TAF5L: variants seen among roughly 807,000 people sequenced by gnomAD.
TAF5L encodes the protein TAF5-like RNA polymerase II p300/CBP-associated factor-associated factor 65 kDa subunit 5L.
In TAF5L, 7 loss-of-function variants were observed where a neutral mutation model predicts 51.3. The ratio of observed to expected loss-of-function variants is 0.14; its 90% CI spans 0.08 to 0.26. The LOEUF (loss-of-function observed/expected upper bound fraction) is 0.26. Ranked by LOEUF, TAF5L falls within the 10% of genes least tolerant of loss-of-function variation. The pLI is 1.00. For missense variants in TAF5L, 575 were observed against 758.9 expected (o/e 0.76, Z 2.85); for synonymous variants, 291 against 308.1 (o/e 0.94, Z 0.58).
rs1354739562 is a variant in TAF5L at position 229,594,920 on chromosome 1, G to C, written c.1147C>G (p.His383Asp). The C allele has an allele frequency of 6.2e-7, 1 of 1,614,238 alleles. No individual in the cohort carries two copies. ...TCCAGATCCCACACAGGATAGGCATGTCCTTGGTACAACACAGTGTTGGTG... is the reference window on the plus strand; with the variant it reads ...TCCAGATCCCACACAGGATAGGCATCTCCTTGGTACAACACAGTGTTGGTG... The change falls in exon 5 of 5, where the codon CAT becomes GAT. Residue 383 changes from histidine (H) to aspartate (D), a missense_variant. Transcript: ENST00000258281. This position sits in a 1 kb window ranked among gnomAD's most constrained non-coding sequence, Gnocchi z 7.9.
chr1:229,600,105 T>C, intron 4 of TAF5L: 1 of 982,434 alleles, frequency 1.0e-6, no homozygotes, highest in East Asian at 1.1e-4. Flanking sequence ...AATTATGCAT[T>C]CTATAAGGGA....
chr1:229,616,344 C>A (rs998426054), intron 1 of TAF5L, among the ~76,000 whole-genome samples: 1 of 146,630 alleles, frequency 6.8e-6, no homozygotes, highest in African/African-American at 2.5e-5. Flanking sequence ...TAAAATTCCA[C>A]CTTTTCCGGA....
At chr1:229,596,108 C>T (rs1026889718) in intron 4 of TAF5L, among the ~76,000 whole-genome samples, 2 of 151,862 alleles carry the variant, frequency 1.3e-5, no homozygotes, top group Non-Finnish European at 1.5e-5. Context: ...GATTCTTTAC[C>T]AAAAAAATTT....
intron 1 of TAF5L, among the ~76,000 whole-genome samples, chr1:229,622,015 C>A (rs1665217270): frequency 7.3e-6 from 1 of 137,178 alleles, no homozygotes; most frequent in South Asian, 2.5e-4. Context: ...TTTCATTCAT[C>A]ATCATCTATC....
At chr1:229,607,289 T>C (rs1339064940) in intron 3 of TAF5L, 1 of 985,280 alleles carries the variant, frequency 1.0e-6, no homozygotes, top group African/African-American at 1.7e-5. Flanking sequence ...ATTCTGGTCC[T>C]TTCTCACCTC....
rs1439749975 is a variant in TAF5L at position 229,602,233 on chromosome 1, A to G, written c.934T>C (p.Ser312Pro). The G allele has an allele frequency of 6.2e-7, 1 of 1,614,138 alleles. No homozygotes were observed. The highest frequency in any genetic ancestry group is 8.5e-7 in the Non-Finnish European group (1 of 1,180,014). ...ATATCACAAGCCAAATGGATGCGGG[A>G]CACGTCTACTTGGTGGGGCTCTGAT... Residue 312 changes from serine (S) to proline (P), a missense_variant, in exon 4 of 5, where the codon TCC becomes CCC. Physicochemically the swap from Ser to Pro is moderately conservative, Grantham distance 74. This residue lies in a region of TAF5L where 380 missense variants were observed against 443.7 expected (regional missense o/e 0.86). Coordinates refer to ENST00000258281, the Ensembl canonical transcript of TAF5L. The surrounding 1 kb of genome is among the most constrained non-coding windows in gnomAD (Gnocchi z 4.6).
intron 1 of TAF5L, among the ~76,000 whole-genome samples, chr1:229,617,605 T>C (rs533695378): frequency 3.1e-4 from 47 of 152,296 alleles, no homozygotes; most frequent in Admixed American, 1.7e-3. Context: ...AAACTCTGCA[T>C]GTGAAAGACA....
rs563396880 is a variant in TAF5L, at chr1:229,595,176, A to G, written c.973-82T>C. ...CTGACAAGGAAAACAAGTCCAGGAG[A>G]AAAAAAAGTAGAGAACTGAGACTGC... On this transcript the variant is annotated intron_variant, in intron 4 of 4. Transcript: ENST00000258281. 2.8e-5 allele frequency: 40 copies of G among 1,414,462 alleles called. No homozygotes were observed. In the African/African-American group the frequency reaches 5.6e-4, roughly 20 times the overall value. 87.6% of individuals were successfully genotyped at this position (1,414,462 alleles called of 1,614,324 possible). A position where few individuals can be genotyped will look rare whatever the true frequency, so the allele number is the denominator to read the frequency against.
intron 1 of TAF5L, among the ~76,000 whole-genome samples, chr1:229,623,492 C>T (rs982315578): frequency 2.0e-4 from 31 of 152,190 alleles, no homozygotes; most frequent in African/African-American, 7.5e-4. Context: ...CACACTGGCA[C>T]TACAACCTGG....
At chr1:229,599,833 T>C (rs1182415988) in intron 4 of TAF5L, 13 of 985,342 alleles carry the variant, frequency 1.3e-5, no homozygotes, top group Non-Finnish European at 1.6e-5. Flanking sequence ...CCGTTTCAAA[T>C]ACTGTAGAAA....
At chr1:229,620,113 A>T (rs538128971) in intron 1 of TAF5L, among the ~76,000 whole-genome samples, 41 of 151,860 alleles carry the variant, frequency 2.7e-4, no homozygotes, top group African/African-American at 9.2e-4. Context: ...GAGGCCACCA[A>T]CTCCTATTCT....
chr1:229,596,281 A>T (rs1248747288), intron 4 of TAF5L, among the ~76,000 whole-genome samples: 1 of 152,100 alleles, frequency 6.6e-6, no homozygotes, highest in Non-Finnish European at 1.5e-5. Context: ...GCCCAAAAAA[A>T]CCCAAAACAA....
rs1311764198 is a variant in TAF5L, at chr1:229,594,660, G to A, written c.1407C>T (p.Gly469=). Reference sequence around the variant, plus strand: ...GAGAAAAGGCGAGAGAAAGCACGGGGCCACGGTGGCCTGTGAAAAGCCTCA... The same window carrying A: ...GAGAAAAGGCGAGAGAAAGCACGGGACCACGGTGGCCTGTGAAAAGCCTCA... The change falls in exon 5 of 5, where the codon GGC becomes GGT. Residue 469 remains glycine, a synonymous_variant. Transcript: ENST00000258281. This position sits in a 1 kb window ranked among gnomAD's most constrained non-coding sequence, Gnocchi z 7.9. The A allele has an allele frequency of 3.1e-6, 5 of 1,614,088 alleles. No individual in the cohort carries two copies. The Admixed American group carries it at 5.0e-5, about 16-fold the overall frequency.
At chr1:229,607,566 C>T in intron 3 of TAF5L, 1 of 824,068 alleles carries the variant, frequency 1.2e-6, no homozygotes, top group Non-Finnish European at 1.5e-6. Flanking sequence ...TAAAGCCTAC[C>T]TCCTGCTCAG....
At position 229,594,616 on chromosome 1, in the gene TAF5L, G is replaced by A. The variant is rs377262959; in HGVS notation, c.1451C>T (p.Ala484Val). Residue 484 changes from alanine to valine, a missense_variant, in exon 5 of 5, where the codon GCG becomes GTG. Physicochemically the swap from Ala to Val is moderately conservative, Grantham distance 64. Transcript: ENST00000258281. The surrounding 1 kb of genome is among the most constrained non-coding windows in gnomAD (Gnocchi z 7.9). ...CAACCGCTGGTCCTCGCCAGCAGAC[G>A]CCAAGTACTTACCGTTGGGAGAAAA... 2.0e-5 allele frequency: 33 copies of A among 1,614,064 alleles called. No individual in the cohort carries two copies. Among genetic ancestry groups the A allele is most frequent in the African/African-American group, 4.0e-5 (3 of 74,926 alleles).
At chr1:229,605,334 G>C (rs187308678) in intron 3 of TAF5L, among the ~76,000 whole-genome samples, 1 of 152,122 alleles carries the variant, frequency 6.6e-6, no homozygotes, top group Non-Finnish European at 1.5e-5. Flanking sequence ...GGAATATCAC[G>C]GAGAGGAGTA....
chr1:229,605,562 C>T (rs1399126147), intron 3 of TAF5L, among the ~76,000 whole-genome samples: 7 of 151,400 alleles, frequency 4.6e-5, no homozygotes, highest in Non-Finnish European at 8.8e-5. Context: ...GGGGGGCCCA[C>T]GGCACACAGA....
chr1:229,614,023 G>A (rs1225865819), intron 2 of TAF5L: 2 of 594,744 alleles, frequency 3.4e-6, no homozygotes, highest in Non-Finnish European at 3.0e-6. Context: ...TAAGGGTCTT[G>A]TAGGTTAATT....
intron 1 of TAF5L, among the ~76,000 whole-genome samples, chr1:229,617,819 T>C (rs983283516): frequency 3.9e-5 from 6 of 152,232 alleles, no homozygotes; most frequent in Non-Finnish European, 8.8e-5. Context: ...CTAACAAATA[T>C]GCTTAAATTA....
Sources: allele counts gnomAD v4.1 joint callset (sites outside exome capture counted in the v4.1 genomes callset), GRCh38; gene constraint gnomAD v4.1.1; regional missense constraint gnomAD v4.1.1; non-coding constraint Gnocchi (gnomAD v3.1); transcripts MANE v1.5; gene names NCBI Gene and HGNC (gene_info 2026-07-23, HGNC 2026-07-21).